VPS41: variants seen among roughly 807,000 people sequenced by gnomAD.
VPS41 encodes vacuolar protein sorting-associated protein 41 homolog.
A neutral mutation model predicts 130.9 loss-of-function variants in VPS41; 85 were observed. The ratio of observed to expected loss-of-function variants is 0.65; its 90% CI spans 0.55 to 0.78. VPS41 has a LOEUF of 0.78. Ranked by LOEUF, VPS41 falls within the 30% of genes least tolerant of loss-of-function variation. The pLI, the probability that VPS41 is intolerant of heterozygous loss-of-function variation, is 0.00. For missense variants in VPS41, 874 were observed against 1,018.7 expected (o/e 0.86, Z 1.93); for synonymous variants, 335 against 332.9 (o/e 1.01, Z -0.07).
At chr7:38,846,222 C>T (rs890059252) in intron 4 of VPS41, among the ~76,000 whole-genome samples, 2 of 152,196 alleles carry the variant, frequency 1.3e-5, no homozygotes, top group African/African-American at 2.4e-5. Context: ...CTATTTTATA[C>T]TTCAACACAT....
rs571651790 is a variant in VPS41 at position 38,884,793 on chromosome 7, A to C, written c.60+13298T>G. On this transcript the variant is annotated intron_variant, in intron 2 of 28. Transcript: ENST00000310301. ...AGCTATTTAGTTGCGTTCACAAATC[A>C]AAGGTCTCTGGAACCCTCATCTGGT... 2.0e-5 allele frequency among the ~76,000 whole-genome samples: 3 copies of C among 152,312 alleles called. 1 individual carries two copies. In the South Asian group the frequency reaches 6.2e-4, roughly 32 times the overall value.
chr7:38,776,837 G>A, intron 10 of VPS41, 61 bp from the exon 11 acceptor site: 2 of 944,080 alleles, frequency 2.1e-6, no homozygotes, highest in Non-Finnish European at 3.4e-6. Context: ...CACACATCTG[G>A]AGGAACACAA....
chr7:38,767,843 A>C (rs1784077714), intron 14 of VPS41, among the ~76,000 whole-genome samples: 1 of 152,196 alleles, frequency 6.6e-6, no homozygotes, highest in South Asian at 2.1e-4. Flanking sequence ...AAATAATGTT[A>C]GTATTTTAAA....
chr7:38,853,962 G>C (rs189207138), intron 4 of VPS41, among the ~76,000 whole-genome samples: 17 of 152,180 alleles, frequency 1.1e-4, no homozygotes, highest in Non-Finnish European at 1.9e-4. Context: ...TTGGTGCGTA[G>C]AAGCCATCAA....
At chr7:38,758,305 C>T in intron 18 of VPS41, 49 bp downstream of exon 18, 2 of 1,539,870 alleles carry the variant, frequency 1.3e-6, no homozygotes, top group Non-Finnish European at 1.7e-6. Context: ...GTATGAAAAA[C>T]TTTTCAACAC....
At chr7:38,900,600 A>C (rs753090354) in intron 1 of VPS41, among the ~76,000 whole-genome samples, 9 of 152,132 alleles carry the variant, frequency 5.9e-5, no homozygotes, top group African/African-American at 1.4e-4. Flanking sequence ...TCAAAATCAA[A>C]TTACACTCTT....
intron 25 of VPS41, among the ~76,000 whole-genome samples, chr7:38,729,395 A>C (rs1003045719): frequency 1.3e-5 from 2 of 151,780 alleles, no homozygotes; most frequent in Admixed American, 1.3e-4. Context: ...ACCATTCAGC[A>C]TAGTGCTATG....
intron 6 of VPS41, among the ~76,000 whole-genome samples, chr7:38,818,133 AC>A (rs1562597509): frequency 6.6e-6 from 1 of 151,788 alleles, no homozygotes. Flanking sequence ...CTGGCTGAGG[AC>A]CCCTATAAGT....
chr7:38,774,720 G>A (rs932310338), intron 11 of VPS41, among the ~76,000 whole-genome samples: 2 of 152,108 alleles, frequency 1.3e-5, no homozygotes, highest in Non-Finnish European at 2.9e-5. Context: ...CATCAGCAAT[G>A]TGAATCTCAT....
Position 38,754,708 on chromosome 7 carries a change from C to T in VPS41, c.1782G>A (p.Gln594=). Residue 594 remains glutamine, a synonymous_variant, in exon 21 of 29, where the codon CAG becomes CAA. Transcript: ENST00000310301. The stretch of plus-strand genomic sequence containing the variant: ...AGGAGACTGCCATGCTCACCACATG[C>T]TGTAGCTCTGGTCTGTCTTCCAATT... The part of the protein sequence containing the change: ...VEELEDRPEL[Q]HVYLHKLFKR... 1 of 1,613,470 alleles carries T rather than the reference C, an allele frequency of 6.2e-7. No homozygotes were observed. Among genetic ancestry groups the T allele is most frequent in the Non-Finnish European group, 8.5e-7 (1 of 1,179,604 alleles).
intron 1 of VPS41, among the ~76,000 whole-genome samples, chr7:38,907,373 G>A (rs1461906065): frequency 6.6e-6 from 1 of 152,170 alleles, no homozygotes; most frequent in Admixed American, 6.5e-5. Context: ...GGAAAAATGA[G>A]GTCAAGAAAA....
chr7:38,869,369 C>T, intron 2 of VPS41, 116 bp from the exon 3 acceptor site: 1 of 654,804 alleles, frequency 1.5e-6, no homozygotes, highest in South Asian at 2.1e-5. Flanking sequence ...GTTAATAATT[C>T]CAACTACAGC....
chr7:38,815,455 T>G (rs1785027813), intron 7 of VPS41, among the ~76,000 whole-genome samples: 2 of 152,144 alleles, frequency 1.3e-5, no homozygotes, highest in Admixed American at 1.3e-4. Context: ...TTATTTATTC[T>G]TACTGAGTTT....
intron 1 of VPS41, among the ~76,000 whole-genome samples, chr7:38,907,207 G>A (rs1787287993): frequency 6.6e-6 from 1 of 152,150 alleles, no homozygotes; most frequent in African/African-American, 2.4e-5. Context: ...CTTGGACAAA[G>A]ACATGAAGGA....
intron 17 of VPS41, 97 bp from the exon 18 acceptor site, chr7:38,758,578 G>T (rs1783852156): frequency 2.5e-6 from 3 of 1,201,230 alleles, no homozygotes; most frequent in Admixed American, 2.4e-5. Flanking sequence ...CTGTTTCCTG[G>T]CATATAACTC....
At chr7:38,772,354 G>T (rs765878181) in intron 13 of VPS41, among the ~76,000 whole-genome samples, 168 bp downstream of exon 13, 4 of 152,032 alleles carry the variant, frequency 2.6e-5, no homozygotes, top group Admixed American at 1.3e-4. Context: ...CAATCTTTTG[G>T]TTCCCTAATT....
chr7:38,811,630 T>A (rs1039548178), intron 7 of VPS41, among the ~76,000 whole-genome samples: 2 of 146,790 alleles, frequency 1.4e-5, no homozygotes, highest in African/African-American at 5.1e-5. Context: ...CCCCTCCATA[T>A]ATACAGATAG....
chr7:38,763,265 C>T (rs558806659), intron 17 of VPS41, among the ~76,000 whole-genome samples, 190 bp downstream of exon 17: 1 of 152,236 alleles, frequency 6.6e-6, no homozygotes, highest in East Asian at 1.9e-4. Context: ...TTAAAATGCA[C>T]ACGGACTAAG....
chr7:38,755,347 G>A (rs1405161092), intron 19 of VPS41, among the ~76,000 whole-genome samples: 1 of 152,134 alleles, frequency 6.6e-6, no homozygotes, highest in Non-Finnish European at 1.5e-5. Context: ...CCTCGACCTA[G>A]TCTCCCTATG....
Sources: allele counts gnomAD v4.1 joint callset (sites outside exome capture counted in the v4.1 genomes callset), GRCh38; gene constraint gnomAD v4.1.1; transcripts MANE v1.5; gene names NCBI Gene and HGNC (gene_info 2026-07-23, HGNC 2026-07-21).